SHANK2: variants seen among roughly 807,000 people sequenced by gnomAD.
The protein encoded by SHANK2 is SH3 and multiple ankyrin repeat domains protein 2.
Under a neutral mutation model 133.7 loss-of-function variants are expected in SHANK2, and 43 were observed. That is an observed-to-expected ratio of 0.32 (90% CI 0.25 to 0.41). The LOEUF is 0.41. Among genes scored for constraint, SHANK2 ranks in the 10% least tolerant of loss-of-function variants. The pLI is 1.00. For missense variants in SHANK2, 1,994 were observed against 2,235.8 expected, an observed-to-expected ratio of 0.89 and a Z score of 2.18; for synonymous variants, 1,017 against 952.8, an observed-to-expected ratio of 1.07 and a Z score of -1.24.
intron 17 of SHANK2, among the ~76,000 whole-genome samples, chr11:70,517,323 A>G (rs1360454133): frequency 1.3e-5 from 2 of 152,220 alleles, no homozygotes; most frequent in Non-Finnish European, 2.9e-5. Context: ...CTTACAAAAC[A>G]ACACACTTTT....
intron 14 of SHANK2, among the ~76,000 whole-genome samples, chr11:70,712,489 C>T (rs1300049564): frequency 1.3e-5 from 2 of 152,192 alleles, no homozygotes; most frequent in Non-Finnish European, 2.9e-5. Context: ...AAACTGTTTA[C>T]CTCCCCATCA....
Position 71,079,481 on chromosome 11 carries a change from C to A in SHANK2, c.913-4206G>T, listed in dbSNP as rs902085698. Among the ~76,000 whole-genome samples the A allele has an allele frequency of 3.7e-4, 57 of 152,166 alleles. 1 individual carries two copies. In the East Asian group the frequency reaches 6.0e-3, roughly 16 times the overall value. On this transcript the variant is annotated intron_variant, in intron 8 of 25. Transcript: ENST00000601538. ...CAATTTTAAAAAGAAAGTTAATAGG[C>A]CAGGTGTGGTGGCTCATGCCTGTAA... is the stretch of plus-strand genomic sequence containing the variant.
At chr11:70,894,579 G>T (rs1949905348) in intron 11 of SHANK2, among the ~76,000 whole-genome samples, 1 of 152,168 alleles carries the variant, frequency 6.6e-6, no homozygotes, top group Admixed American at 6.5e-5. Flanking sequence ...CAAGACTTAG[G>T]GTCAGGGGTA....
chr11:70,719,773 C>A lies in SHANK2; in HGVS notation c.1778-21010G>T, dbSNP rs190144068. On this transcript the variant is annotated intron_variant, in intron 14 of 25. Coordinates refer to ENST00000601538, the MANE Select transcript of SHANK2 (RefSeq NM_012309.5). ...CGCTCCCCTGCTCCAGCATTTGACACGGCAGCACACGAGATCCTCTTGTCC... is the reference window on the plus strand; with the variant it reads ...CGCTCCCCTGCTCCAGCATTTGACAAGGCAGCACACGAGATCCTCTTGTCC... Among the ~76,000 whole-genome samples, 11 of 150,962 alleles carry A rather than the reference C, an allele frequency of 7.3e-5. No individual in the cohort carries two copies. In the East Asian group the frequency reaches 1.8e-3, roughly 24 times the overall value.
intron 14 of SHANK2, among the ~76,000 whole-genome samples, chr11:70,776,344 G>A (rs1555043892): frequency 6.6e-6 from 1 of 152,170 alleles, no homozygotes; most frequent in Non-Finnish European, 1.5e-5. Context: ...CCTGCAAACT[G>A]GACTTGGGGG....
chr11:71,189,268 G>A (rs922566206), intron 2 of SHANK2, among the ~76,000 whole-genome samples: 13 of 152,230 alleles, frequency 8.5e-5, no homozygotes, highest in Non-Finnish European at 1.8e-4. Flanking sequence ...CTGGCTCAGC[G>A]GTGCTGTTCA....
rs200994778 is a variant in SHANK2, at chr11:71,172,613, G to A, written c.-12-25275C>T. Among the ~76,000 whole-genome samples the A allele has an allele frequency of 1.3e-4, 16 of 125,574 alleles. No homozygotes were observed. In the South Asian group the frequency reaches 2.5e-3, roughly 20 times the overall value. 82.4% of individuals were successfully genotyped at this position (125,574 alleles called of 152,430 possible). A position where few individuals can be genotyped will look rare whatever the true frequency, so the allele number is the denominator to read the frequency against. ...ACTCTGTCTCAAAAAAAAAAAAAAA[G>A]AAAAAAAGAAAAAAGAAAAGAAAAG... is the stretch of plus-strand genomic sequence containing the variant. On this transcript the variant is annotated intron_variant, in intron 2 of 25. Coordinates refer to ENST00000601538, the MANE Select transcript of SHANK2 (RefSeq NM_012309.5).
At chr11:70,801,292 G>T (rs1314808120) in intron 13 of SHANK2, among the ~76,000 whole-genome samples, 1 of 152,244 alleles carries the variant, frequency 6.6e-6, no homozygotes, top group Non-Finnish European at 1.5e-5. Flanking sequence ...GTACAAGGAG[G>T]CAGAGGTGAC....
At position 70,486,954 on chromosome 11, in the gene SHANK2, G is replaced by C; in HGVS notation, c.3339C>G (p.Gly1113=). The C allele has an allele frequency of 6.2e-7, 1 of 1,612,322 alleles. No individual in the cohort carries two copies. Among genetic ancestry groups the C allele is most frequent in the Non-Finnish European group, 8.5e-7 (1 of 1,179,774 alleles). ...GCGTCCTGGGGGCGGGTGGCCCCAGGCCCACATCCTCATCCCCCAGGTCTG... is the reference window on the plus strand; with the variant it reads ...GCGTCCTGGGGGCGGGTGGCCCCAGCCCCACATCCTCATCCCCCAGGTCTG... The part of the protein sequence containing the change: ...LSTDLGDEDV[G]LGPPAPRTRP... Residue 1113 remains glycine, a synonymous_variant, in exon 25 of 26, where the codon GGC becomes GGG. Coordinates refer to ENST00000601538, the MANE Select transcript of SHANK2 (RefSeq NM_012309.5). This position sits in a 1 kb window ranked among gnomAD's most constrained non-coding sequence, Gnocchi z 8.0.
chr11:71,207,046 A>G (rs1389016949), intron 2 of SHANK2, among the ~76,000 whole-genome samples: 2 of 152,002 alleles, frequency 1.3e-5, no homozygotes, highest in African/African-American at 4.8e-5. Flanking sequence ...TGACTGGGCC[A>G]CTTTACTCCA....
intron 10 of SHANK2, among the ~76,000 whole-genome samples, chr11:70,908,702 C>T (rs557981925): frequency 6.6e-6 from 1 of 152,154 alleles, no homozygotes; most frequent in Non-Finnish European, 1.5e-5. Flanking sequence ...GGTTCAGCAC[C>T]AAGGTGACTG....
chr11:70,622,211 A>G (rs1456467408), intron 17 of SHANK2, among the ~76,000 whole-genome samples: 1 of 152,038 alleles, frequency 6.6e-6, no homozygotes, highest in African/African-American at 2.4e-5. Context: ...CCAATCCAAC[A>G]CAGCACCGCA....
At position 70,887,264 on chromosome 11, in the gene SHANK2, C is replaced by T. The variant is rs149623256; in HGVS notation, c.1174+9237G>A. Among the ~76,000 whole-genome samples the T allele has an allele frequency of 5.3e-3, 665 of 125,826 alleles. 1 individual carries two copies. The highest frequency in any genetic ancestry group is 0.011 in the Admixed American group (120 of 10,660). The allele number at this position is 125,826 out of a possible 152,430, so 82.5% of individuals were successfully genotyped here. A position where few individuals can be genotyped will look rare whatever the true frequency, so the allele number is the denominator to read the frequency against. ...TTTACTTGGCCGGCTAAACACTGGA[C>T]GACAACAAGCAAGGATTAACTGTGG... is the stretch of plus-strand genomic sequence containing the variant. On this transcript the variant is annotated intron_variant, in intron 11 of 25. Coordinates refer to ENST00000601538, the MANE Select transcript of SHANK2 (RefSeq NM_012309.5).
rs55637407 is a variant in SHANK2, at chr11:70,751,502, T to G, written c.1777+46941A>C. Among the ~76,000 whole-genome samples, 958 of 152,296 alleles carry G rather than the reference T, an allele frequency of 6.3e-3. 6 individuals are homozygous for G. Among genetic ancestry groups the G allele is most frequent in the Non-Finnish European group, 8.0e-3 (547 of 68,018 alleles). Reference sequence around the variant, plus strand: ...ACATTTGTGGCCAGCAGGTCAACTTTAAGAGGAATGCCAAAGATAATGCTT... The same window carrying G: ...ACATTTGTGGCCAGCAGGTCAACTTGAAGAGGAATGCCAAAGATAATGCTT... On this transcript the variant is annotated intron_variant, in intron 14 of 25. Coordinates refer to ENST00000601538, the MANE Select transcript of SHANK2 (RefSeq NM_012309.5).
intron 14 of SHANK2, among the ~76,000 whole-genome samples, chr11:70,724,150 C>A (rs570112807): frequency 6.6e-6 from 1 of 152,004 alleles, no homozygotes; most frequent in East Asian, 1.9e-4. Context: ...ATTCTCCTGC[C>A]TCATCCTCCT....
At chr11:70,606,388 C>T (rs1284316144) in intron 17 of SHANK2, among the ~76,000 whole-genome samples, 2 of 150,700 alleles carry the variant, frequency 1.3e-5, no homozygotes, top group African/African-American at 4.9e-5. Context: ...CCCATCTCTA[C>T]AAAAAATAAA....
chr11:70,944,310 C>T (rs1212958271), intron 10 of SHANK2, among the ~76,000 whole-genome samples: 4 of 152,196 alleles, frequency 2.6e-5, no homozygotes, highest in Non-Finnish European at 4.4e-5. Context: ...TAGGCCGAAG[C>T]TCCACACTCA....
At chr11:70,636,580 TGTGA>T (rs1324229530) in intron 17 of SHANK2, among the ~76,000 whole-genome samples, 5 of 50,992 alleles carry the variant, frequency 9.8e-5, no homozygotes, top group Admixed American at 9.0e-4. Context: ...TGTGTATGAA[TGTGA>T]GTCTGTGTGA....
intron 20 of SHANK2, among the ~76,000 whole-genome samples, chr11:70,501,064 A>ACAGG (rs1399087011): frequency 2.7e-5 from 4 of 146,964 alleles, no homozygotes; most frequent in Non-Finnish European, 2.9e-5. Context: ...GAGCCCCAGG[A>ACAGG]CAGGCCTCTG....
Sources: allele counts gnomAD v4.1 joint callset (sites outside exome capture counted in the v4.1 genomes callset), GRCh38; gene constraint gnomAD v4.1.1; non-coding constraint Gnocchi (gnomAD v3.1); transcripts MANE v1.5; gene names NCBI Gene and HGNC (gene_info 2026-07-23, HGNC 2026-07-21).